The following GLIS3 variants were observed in gnomAD, a reference collection of about 807,000 sequenced individuals.
The protein encoded by GLIS3 is GLIS family zinc finger 3, also known as zinc finger protein GLIS3.
A neutral mutation model predicts 78.6 loss-of-function variants in GLIS3; 53 were observed. That is an observed-to-expected ratio of 0.67 (90% CI 0.54 to 0.85). The LOEUF (loss-of-function observed/expected upper bound fraction) is 0.85. Among genes scored for constraint, GLIS3 ranks in the 40% least tolerant of loss-of-function variants. The probability of loss-of-function intolerance (pLI) is 0.00; values close to 1 mark genes in which losing one functional copy is unlikely to be tolerated. For synonymous variants in GLIS3, 684 were observed against 509.9 expected, an observed-to-expected ratio of 1.34 and a Z score of -4.60; for missense variants, 1,703 against 1,231.1, an observed-to-expected ratio of 1.38 and a Z score of -5.74.
intron 4 of GLIS3, among the ~76,000 whole-genome samples, chr9:4,073,057 A>G (rs956708970): frequency 6.6e-6 from 1 of 151,862 alleles, no homozygotes; most frequent in Non-Finnish European, 1.5e-5. Context: ...GTAATTATAC[A>G]CCCCTTTTTG....
At chr9:4,300,695 T>A (rs1362404207), upstream of GLIS3, among the ~76,000 whole-genome samples, 1 of 151,912 alleles carries the variant, frequency 6.6e-6, no homozygotes, top group Non-Finnish European at 1.5e-5. Context: ...TTCAACATCC[T>A]CAGCCTCATA....
intron 4 of GLIS3, among the ~76,000 whole-genome samples, chr9:4,306,831 G>C (rs570319862): frequency 2.6e-5 from 4 of 152,298 alleles, no homozygotes; most frequent in Non-Finnish European, 4.4e-5. Flanking sequence ...TCTAGCTATA[G>C]ATACCCCTTG....
At chr9:4,429,566 T>G in the GLIS3 span, among the ~76,000 whole-genome samples, 3 of 152,232 alleles carry the variant, frequency 2.0e-5, no homozygotes. Context: ...GTTCTCTTAA[T>G]GCTAAGGTGA....
At chr9:4,224,513 T>C (rs1382036049) in intron 2 of GLIS3, among the ~76,000 whole-genome samples, 1 of 152,188 alleles carries the variant, frequency 6.6e-6, no homozygotes, top group Non-Finnish European at 1.5e-5. Context: ...TGTGCTTCAC[T>C]ATTTAACCTT....
chr9:4,371,330 G>C, the GLIS3 span, among the ~76,000 whole-genome samples: 1 of 152,102 alleles, frequency 6.6e-6, no homozygotes, highest in Non-Finnish European at 1.5e-5. Context: ...CCCTCTTATG[G>C]GCTGTCCCCG....
intron 4 of GLIS3, among the ~76,000 whole-genome samples, chr9:3,972,993 A>G (rs1329042212): frequency 6.6e-6 from 1 of 152,130 alleles, no homozygotes; most frequent in African/African-American, 2.4e-5. Context: ...CTGTAAGTCT[A>G]TGGTGGTGGG....
At chr9:4,170,477 T>A (rs1231361366) in intron 2 of GLIS3, among the ~76,000 whole-genome samples, 1 of 152,194 alleles carries the variant, frequency 6.6e-6, no homozygotes, top group African/African-American at 2.4e-5. Context: ...CCCAGCTCTA[T>A]GGGAAATCTC....
chr9:4,336,716 G>A (rs1287565424), intron 2 of GLIS3, among the ~76,000 whole-genome samples: 5 of 152,168 alleles, frequency 3.3e-5, no homozygotes, highest in South Asian at 2.1e-4. Flanking sequence ...GGAAACGTGC[G>A]ATGTTCACTG....
At chr9:4,040,883 G>A (rs1189178534) in intron 4 of GLIS3, among the ~76,000 whole-genome samples, 1 of 152,142 alleles carries the variant, frequency 6.6e-6, no homozygotes, top group Non-Finnish European at 1.5e-5. Context: ...GTGGTCTCCT[G>A]GTCCAGCAGC....
In GLIS3 at chr9:4,156,985, T is replaced by A. The variant is rs190218645; in HGVS notation, c.389-31044A>T. On this transcript the variant is annotated intron_variant, in intron 2 of 10. Transcript: ENST00000381971. ...AAACCTGGGGGTAGGGTCAACCCAT[T>A]GGCATTTTCAACACTTACATTTGAA... 2.0e-5 allele frequency among the ~76,000 whole-genome samples: 3 copies of A among 152,308 alleles called. 1 individual carries two copies. In the East Asian group the frequency reaches 5.8e-4, roughly 29 times the overall value.
chr9:4,192,002 A>T (rs901580477), intron 2 of GLIS3, among the ~76,000 whole-genome samples: 22 of 152,294 alleles, frequency 1.4e-4, no homozygotes, highest in Middle Eastern at 6.8e-3. Context: ...ATGTGTCTAT[A>T]TATCTTTACA....
At chr9:4,368,616 G>A in the GLIS3 span, among the ~76,000 whole-genome samples, 3 of 152,216 alleles carry the variant, frequency 2.0e-5, no homozygotes, top group Non-Finnish European at 4.4e-5. Flanking sequence ...CTCCCAAAGT[G>A]CTGGGATTAC....
the GLIS3 span, among the ~76,000 whole-genome samples, chr9:4,404,795 A>G: frequency 0.063 from 9,588 of 152,226 alleles, 413 homozygotes; most frequent in Non-Finnish European, 0.093. Context: ...AGCTAATGAT[A>G]TATCTTAAAG....
At chr9:4,473,253 C>T in the GLIS3 span, among the ~76,000 whole-genome samples, 1 of 151,964 alleles carries the variant, frequency 6.6e-6, no homozygotes, top group Non-Finnish European at 1.5e-5. Context: ...TGAGATCAGC[C>T]TGACCATCAT....
chr9:4,018,117 G>A (rs1822586812), intron 4 of GLIS3, among the ~76,000 whole-genome samples: 1 of 152,146 alleles, frequency 6.6e-6, no homozygotes, highest in Admixed American at 6.5e-5. Context: ...TCCGATAAAG[G>A]AATCACAATT....
At chr9:4,270,888 GGTGTGTGTGTGTGTGTGTGTGTGTGT>G (rs148679668) in intron 2 of GLIS3, among the ~76,000 whole-genome samples, 12 of 146,910 alleles carry the variant, frequency 8.2e-5, no homozygotes, top group East Asian at 4.1e-4. Context: ...CAATCTGTGT[GGTGTGTGTGTGTGTGTGTGTGTGTGT>G]GTGTGTGTGT....
At position 4,209,405 on chromosome 9, in the gene GLIS3, G is replaced by A. The variant is rs144026074; in HGVS notation, c.388+76633C>T. On this transcript the variant is annotated intron_variant, in intron 2 of 10. Transcript: ENST00000381971. The stretch of plus-strand genomic sequence containing the variant: ...TGGGTGTGGACCAGAGAAACTAAAC[G>A]TCTTGGAATCTGTACAACAGTCCCA... Among the ~76,000 whole-genome samples, 63 of 152,218 alleles carry A rather than the reference G, an allele frequency of 4.1e-4. No homozygotes were observed. The East Asian group carries it at 4.2e-3, about 10-fold the overall frequency.
At chr9:4,029,168 A>C (rs140265459) in intron 4 of GLIS3, among the ~76,000 whole-genome samples, 357 of 152,324 alleles carry the variant, frequency 2.3e-3, no homozygotes, top group Admixed American at 3.7e-3. Flanking sequence ...CAATACCTTA[A>C]AAACTACCTG....
chr9:4,090,174 G>T (rs1027576702), intron 4 of GLIS3, among the ~76,000 whole-genome samples: 1 of 152,082 alleles, frequency 6.6e-6, no homozygotes, highest in African/African-American at 2.4e-5. Context: ...CAGGTGACTG[G>T]CATTGCCCCT....
Sources: gnomAD v4.1 joint callset for allele counts (sites outside exome capture counted in the v4.1 genomes callset) on GRCh38, gnomAD v4.1.1 for gene constraint, MANE v1.5 for transcripts, NCBI Gene and HGNC (gene_info 2026-07-23, HGNC 2026-07-21) for gene names.